Variants in RP9 observed in about 807,000 individuals in gnomAD.
RP9 encodes retinitis pigmentosa 9 protein.
RP9 carries 23 observed loss-of-function variants against 32.6 expected under a neutral mutation model. The observed-to-expected ratio is 0.71, with a 90% confidence interval of 0.51 to 1.00. The LOEUF is 1.00. Ranked by LOEUF, RP9 falls within the 50% of genes least tolerant of loss-of-function variation. The probability of loss-of-function intolerance (pLI) is 0.00; values close to 1 mark genes in which losing one functional copy is unlikely to be tolerated. For synonymous variants in RP9, 94 were observed against 103.6 expected, an observed-to-expected ratio of 0.91 and a Z score of 0.56; for missense variants, 245 against 285.3, an observed-to-expected ratio of 0.86 and a Z score of 1.02.
intron 1 of RP9, among the ~76,000 whole-genome samples, chr7:33,105,923 A>G (rs2128033777): frequency 6.6e-6 from 1 of 152,146 alleles, no homozygotes; most frequent in Admixed American, 6.6e-5. Flanking sequence ...TTGTTGACCT[A>G]TTTTTTGTTA....
Position 33,099,293 on chromosome 7 carries a change from T to C in RP9, c.313+14A>G. ...TGTAAGTTGCATGGATTAGGGAAAC[T>C]CTCCCACACTCACACTGCATAACTT... On this transcript the variant is annotated intron_variant, in intron 3 of 5. Transcript: ENST00000297157. 6.2e-7 allele frequency: 1 copy of C among 1,612,400 alleles called. No homozygotes were observed. The highest frequency in any genetic ancestry group is 1.1e-5 in the South Asian group (1 of 91,014).
At chr7:33,108,991 G>C (rs1788541640) in intron 1 of RP9, among the ~76,000 whole-genome samples, 1 of 152,122 alleles carries the variant, frequency 6.6e-6, no homozygotes, top group South Asian at 2.1e-4. Context: ...GATTCTGCTT[G>C]GTGCCGAGCG....
chr7:33,107,579 A>T (rs1201862946), intron 1 of RP9, among the ~76,000 whole-genome samples: 1 of 152,190 alleles, frequency 6.6e-6, no homozygotes, highest in African/African-American at 2.4e-5. Flanking sequence ...GATGCCCACA[A>T]TGCAGGGTCT....
rs1173242111 is a variant in RP9, at chr7:33,109,051, GA to G, written c.152+169del. ...CCAGGAGGATGGACTTCAAGTCCTT[GA>G]CCGCGGCGCCCGACATCGGTCGCCC... On this transcript the variant is annotated intron_variant, in intron 1 of 5. Transcript: ENST00000297157. The surrounding 1 kb of genome is among the most constrained non-coding windows in gnomAD (Gnocchi z 4.9). Among the ~76,000 whole-genome samples, 1 of 152,076 alleles carries G rather than the reference GA, an allele frequency of 6.6e-6. No homozygotes were observed. The highest frequency in any genetic ancestry group is 2.4e-5 in the African/African-American group (1 of 41,424).
chr7:33,095,649 TG>T (rs1489018005), intron 5 of RP9, among the ~76,000 whole-genome samples: 1 of 152,226 alleles, frequency 6.6e-6, no homozygotes, highest in Non-Finnish European at 1.5e-5. Flanking sequence ...TTCTTTTTAT[TG>T]TCCTAGACAT....
chr7:33,096,792 G>A (rs67167331), intron 4 of RP9, among the ~76,000 whole-genome samples: 13,771 of 151,696 alleles, frequency 0.091, 783 homozygotes, highest in South Asian at 0.16. Context: ...GGGTAGCCCT[G>A]CTCTGCAGGA....
At chr7:33,095,688 T>G (rs1788321983) in intron 5 of RP9, among the ~76,000 whole-genome samples, 1 of 152,246 alleles carries the variant, frequency 6.6e-6, no homozygotes, top group Admixed American at 6.5e-5. Context: ...GTCCTTACAA[T>G]TGTAATTTCT....
chr7:33,109,211 CG>C lies in RP9; in HGVS notation c.152+9del. On this transcript the variant is annotated intron_variant, in intron 1 of 5. Transcript: ENST00000297157. The surrounding 1 kb of genome is among the most constrained non-coding windows in gnomAD (Gnocchi z 4.9). Reference sequence around the variant, plus strand: ...GACTGGCCGCGCGCGGACGGCAGCTCGGGACTCACAAGGACTCCAGGTGCTT... The same window carrying C: ...GACTGGCCGCGCGCGGACGGCAGCTCGGACTCACAAGGACTCCAGGTGCTT... 1 of 1,493,298 alleles carries C rather than the reference CG, an allele frequency of 6.7e-7. No individual in the cohort carries two copies. The highest frequency in any genetic ancestry group is 8.9e-7 in the Non-Finnish European group (1 of 1,123,430). The allele number at this position is 1,493,298 out of a possible 1,614,324, so 92.5% of individuals were successfully genotyped here. A position where few individuals can be genotyped will look rare whatever the true frequency, so the allele number is the denominator to read the frequency against.
chr7:33,100,042 G>A (rs773692987), intron 2 of RP9: 5 of 173,670 alleles, frequency 2.9e-5, no homozygotes, highest in Admixed American at 5.5e-5. Context: ...TTTCTTGGCC[G>A]TGGCCTGCCA....
At chr7:33,105,892 T>TA in intron 1 of RP9, among the ~76,000 whole-genome samples, 1 of 152,248 alleles carries the variant, frequency 6.6e-6, no homozygotes, top group East Asian at 1.9e-4. Context: ...TTTGATTAAA[T>TA]ACATTTGTTA....
At chr7:33,106,684 G>A (rs540533568) in intron 1 of RP9, among the ~76,000 whole-genome samples, 1 of 152,112 alleles carries the variant, frequency 6.6e-6, no homozygotes, top group Non-Finnish European at 1.5e-5. Flanking sequence ...AGCGGCTCAC[G>A]CCTATAATCC....
In RP9 at chr7:33,109,213, G is replaced by A. The variant is rs1788546069; in HGVS notation, c.152+8C>T. The A allele has an allele frequency of 6.7e-7, 1 of 1,494,386 alleles. No homozygotes were observed. 92.6% of individuals were successfully genotyped at this position (1,494,386 alleles called of 1,614,324 possible). ...CTGGCCGCGCGCGGACGGCAGCTCGGGACTCACAAGGACTCCAGGTGCTTG... is the reference window on the plus strand; with the variant it reads ...CTGGCCGCGCGCGGACGGCAGCTCGAGACTCACAAGGACTCCAGGTGCTTG... On this transcript the variant is annotated splice_region_variant and intron_variant, in intron 1 of 5. Coordinates refer to ENST00000297157, the MANE Select transcript of RP9 (RefSeq NM_203288.2). This position sits in a 1 kb window ranked among gnomAD's most constrained non-coding sequence, Gnocchi z 4.9.
intron 3 of RP9, 40 bp from the exon 4 acceptor site, chr7:33,097,402 T>C: frequency 7.2e-7 from 1 of 1,387,352 alleles, no homozygotes; most frequent in South Asian, 1.2e-5. Flanking sequence ...AGATAACAGT[T>C]TCACCTACTC....
chr7:33,102,814 T>C (rs1788446913), intron 1 of RP9, among the ~76,000 whole-genome samples: 1 of 152,180 alleles, frequency 6.6e-6, no homozygotes, highest in Non-Finnish European at 1.5e-5. Flanking sequence ...GTCCACTCTG[T>C]TATGCCTGGC....
intron 2 of RP9, chr7:33,100,024 C>T (rs1788402425): frequency 5.8e-6 from 1 of 172,816 alleles, no homozygotes; most frequent in Non-Finnish European, 1.2e-5. Context: ...AGTTATGAAA[C>T]AGCAAGTTTT....
At chr7:33,099,164 G>T in intron 3 of RP9, 143 bp downstream of exon 3, 1 of 929,936 alleles carries the variant, frequency 1.1e-6, no homozygotes, top group Non-Finnish European at 1.7e-6. Context: ...GGGTGGGGTG[G>T]ATGCTTCCTT....
chr7:33,102,000 T>C (rs572268697), intron 1 of RP9, among the ~76,000 whole-genome samples: 4 of 152,242 alleles, frequency 2.6e-5, no homozygotes, highest in East Asian at 1.9e-4. Context: ...ACAAGCATTA[T>C]ACAAAAAATA....
Position 33,109,212 on chromosome 7 carries a change from G to T in RP9, c.152+9C>A. 6.7e-7 allele frequency: 1 copy of T among 1,494,432 alleles called. No homozygotes were observed. The allele number at this position is 1,494,432 out of a possible 1,614,324, so 92.6% of individuals were successfully genotyped here. On this transcript the variant is annotated intron_variant, in intron 1 of 5. Coordinates refer to ENST00000297157, the MANE Select transcript of RP9 (RefSeq NM_203288.2). This position sits in a 1 kb window ranked among gnomAD's most constrained non-coding sequence, Gnocchi z 4.9. ...ACTGGCCGCGCGCGGACGGCAGCTCGGGACTCACAAGGACTCCAGGTGCTT... is the reference window on the plus strand; with the variant it reads ...ACTGGCCGCGCGCGGACGGCAGCTCTGGACTCACAAGGACTCCAGGTGCTT...
chr7:33,099,161 G>C (rs984574459), intron 3 of RP9, 146 bp downstream of exon 3: 5 of 901,976 alleles, frequency 5.5e-6, no homozygotes, highest in African/African-American at 1.6e-5. Flanking sequence ...GGGGGGTGGG[G>C]TGGATGCTTC....
Sources: allele counts gnomAD v4.1 joint callset (sites outside exome capture counted in the v4.1 genomes callset), GRCh38; gene constraint gnomAD v4.1.1; non-coding constraint Gnocchi (gnomAD v3.1); transcripts MANE v1.5; gene names NCBI Gene and HGNC (gene_info 2026-07-23, HGNC 2026-07-21).